The following STAG1 variants were observed in gnomAD, a reference collection of about 807,000 sequenced individuals.
The protein encoded by STAG1 is cohesin subunit SA-1.
STAG1 carries 26 observed loss-of-function variants against 170.9 expected under a neutral mutation model. The ratio of observed to expected loss-of-function variants is 0.15; its 90% confidence interval spans 0.11 to 0.21. STAG1 has a LOEUF of 0.21. STAG1 is among the 10% of genes least tolerant of loss of function. The probability of loss-of-function intolerance (pLI) is 1.00; values close to 1 mark genes in which losing one functional copy is unlikely to be tolerated. For missense variants in STAG1, 964 were observed against 1,509.5 expected, an observed-to-expected ratio of 0.64 and a Z score of 5.99; for synonymous variants, 514 against 497.7, an observed-to-expected ratio of 1.03 and a Z score of -0.44.
At chr3:136,675,379 C>G (rs1208513590) in intron 1 of STAG1, among the ~76,000 whole-genome samples, 2 of 152,172 alleles carry the variant, frequency 1.3e-5, no homozygotes, top group Non-Finnish European at 2.9e-5. Flanking sequence ...AGACATCTGT[C>G]CTGATACCAC....
intron 4 of STAG1, among the ~76,000 whole-genome samples, chr3:136,571,250 G>T (rs1937257193): frequency 6.7e-6 from 1 of 150,170 alleles, no homozygotes; most frequent in Admixed American, 6.6e-5. Context: ...TCTAAGACTG[G>T]TGCACAGGAA....
chr3:136,463,867 A>G (rs1462790514), intron 13 of STAG1, among the ~76,000 whole-genome samples: 1 of 144,794 alleles, frequency 6.9e-6, no homozygotes, highest in Non-Finnish European at 1.5e-5. Context: ...ATATTTATAT[A>G]TACATACATA....
chr3:136,445,974 T>C (rs2088766046), intron 14 of STAG1, among the ~76,000 whole-genome samples: 1 of 152,226 alleles, frequency 6.6e-6, no homozygotes, highest in African/African-American at 2.4e-5. Context: ...AATATGTTAA[T>C]TGATTTATAT....
chr3:136,421,711 T>C (rs1047154194), intron 19 of STAG1, among the ~76,000 whole-genome samples: 17 of 152,188 alleles, frequency 1.1e-4, no homozygotes, highest in Non-Finnish European at 1.5e-5. Flanking sequence ...TGCTGATATC[T>C]TGGGCATACC....
chr3:136,494,950 T>G (rs1002442217), intron 9 of STAG1, among the ~76,000 whole-genome samples: 4 of 152,176 alleles, frequency 2.6e-5, no homozygotes, highest in Admixed American at 6.5e-5. Flanking sequence ...AAGCTTTTGT[T>G]CAAAAATTGA....
At chr3:136,421,309 A>G in intron 19 of STAG1, 146 bp from the exon 20 acceptor site, 1 of 399,632 alleles carries the variant, frequency 2.5e-6, no homozygotes, top group Non-Finnish European at 4.5e-6. Context: ...AAAAAGGCAA[A>G]AACACCCATA....
At chr3:136,591,251 G>GGAAGGGA (rs1938154457) in intron 4 of STAG1, among the ~76,000 whole-genome samples, 2 of 144,576 alleles carry the variant, frequency 1.4e-5, no homozygotes, top group Non-Finnish European at 3.0e-5. Flanking sequence ...GAGGGAGGGA[G>GGAAGGGA]GAAGGGAGGA....
chr3:136,378,080 G>T (rs1937707226), intron 22 of STAG1, among the ~76,000 whole-genome samples: 1 of 152,190 alleles, frequency 6.6e-6, no homozygotes, highest in African/African-American at 2.4e-5. Context: ...TGCTAGTAAA[G>T]TGAGGCAGCA....
At chr3:136,678,191 C>A (rs917738244) in intron 1 of STAG1, among the ~76,000 whole-genome samples, 1 of 148,840 alleles carries the variant, frequency 6.7e-6, no homozygotes, top group Non-Finnish European at 1.5e-5. Context: ...AGAAAAAAAT[C>A]GAGTTTATAT....
chr3:136,712,750 G>A (rs1040116091), intron 1 of STAG1, among the ~76,000 whole-genome samples: 1 of 152,126 alleles, frequency 6.6e-6, no homozygotes, highest in African/African-American at 2.4e-5. Context: ...AAGAGATTTC[G>A]ATCTTAGATA....
At position 136,530,817 on chromosome 3, in the gene STAG1, G is replaced by A. The variant is rs141592416; in HGVS notation, c.472-9400C>T. ...AACACCTGCATCAAAAGAGTAATAAGGTTTCAGGCCAGGCACAGCAGCGCA... is the reference window on the plus strand; with the variant it reads ...AACACCTGCATCAAAAGAGTAATAAAGTTTCAGGCCAGGCACAGCAGCGCA... On this transcript the variant is annotated intron_variant, in intron 6 of 33. Transcript: ENST00000383202. Among the ~76,000 whole-genome samples, 979 of 152,220 alleles carry A rather than the reference G, an allele frequency of 6.4e-3. 13 individuals carry two copies. The highest frequency in any genetic ancestry group is 0.022 in the African/African-American group (931 of 41,540).
At chr3:136,510,815 T>G (rs997455822) in intron 7 of STAG1, among the ~76,000 whole-genome samples, 3 of 152,044 alleles carry the variant, frequency 2.0e-5, no homozygotes, top group Non-Finnish European at 4.4e-5. Context: ...TCTTGCTCTG[T>G]CGCCCAGTCT....
At chr3:136,636,217 C>T (rs1433823072) in intron 1 of STAG1, among the ~76,000 whole-genome samples, 1 of 151,648 alleles carries the variant, frequency 6.6e-6, no homozygotes, top group Non-Finnish European at 1.5e-5. Context: ...CATTGCACTC[C>T]AGCCTGGGCA....
At chr3:136,573,642 C>A (rs955746610) in intron 4 of STAG1, among the ~76,000 whole-genome samples, 3 of 151,514 alleles carry the variant, frequency 2.0e-5, no homozygotes, top group Non-Finnish European at 2.9e-5. Context: ...AAAAAAAAAA[C>A]CAACCTCATG....
intron 1 of STAG1, among the ~76,000 whole-genome samples, chr3:136,656,003 C>T (rs1251048197): frequency 6.6e-6 from 1 of 152,092 alleles, no homozygotes; most frequent in Non-Finnish European, 1.5e-5. Flanking sequence ...ATTCACAGTA[C>T]TTCAATCAAG....
rs148084830 is a variant in STAG1, at chr3:136,523,907, A to G, written c.472-2490T>C. Among the ~76,000 whole-genome samples the G allele has an allele frequency of 7.8e-3, 1,189 of 151,924 alleles. 11 individuals are homozygous for G. Among genetic ancestry groups the G allele is most frequent in the Non-Finnish European group, 0.014 (928 of 67,934 alleles). The stretch of plus-strand genomic sequence containing the variant: ...TTTGTCAAAGATCAGATAGTTGTAG[A>G]CGTGTGATATTATTTCTGAGGGCTC... On this transcript the variant is annotated intron_variant, in intron 6 of 33. Transcript: ENST00000383202.
At chr3:136,350,902 G>A (rs563380580) in intron 28 of STAG1, among the ~76,000 whole-genome samples, 3 of 152,104 alleles carry the variant, frequency 2.0e-5, no homozygotes, top group East Asian at 1.9e-4. Context: ...CAAAACAGCC[G>A]GAAGTTCAAC....
intron 4 of STAG1, among the ~76,000 whole-genome samples, chr3:136,573,261 G>C (rs1397423218): frequency 6.6e-6 from 1 of 152,020 alleles, no homozygotes; most frequent in Non-Finnish European, 1.5e-5. Context: ...GGCAGAGAAT[G>C]GCAACTGTTA....
At chr3:136,600,698 ATTT>A (rs936761517) in intron 4 of STAG1, among the ~76,000 whole-genome samples, 1 of 149,776 alleles carries the variant, frequency 6.7e-6, no homozygotes, top group African/African-American at 2.4e-5. Context: ...TGCCCAGCTA[ATTT>A]TTTTTTTATT....
Sources: gnomAD v4.1 joint callset for allele counts (sites outside exome capture counted in the v4.1 genomes callset) on GRCh38, gnomAD v4.1.1 for gene constraint, MANE v1.5 for transcripts, NCBI Gene and HGNC (gene_info 2026-07-23, HGNC 2026-07-21) for gene names.